Variants in KCNH1 observed in about 807,000 individuals in gnomAD.
KCNH1 encodes the protein voltage-gated delayed rectifier potassium channel KCNH1.
A neutral mutation model predicts 69.2 loss-of-function variants in KCNH1; 27 were observed. That is an observed-to-expected ratio of 0.39 (90% CI 0.29 to 0.54). The LOEUF is 0.54. Among genes scored for constraint, KCNH1 ranks in the 20% least tolerant of loss-of-function variants. KCNH1 has a pLI of 0.68. For synonymous variants in KCNH1, 456 were observed against 487.7 expected, an observed-to-expected ratio of 0.93 and a Z score of 0.86; for missense variants, 798 against 1,261.6, an observed-to-expected ratio of 0.63 and a Z score of 5.57.
intron 6 of KCNH1, among the ~76,000 whole-genome samples, chr1:210,980,205 T>C (rs1281108531): frequency 1.3e-5 from 2 of 152,200 alleles, no homozygotes; most frequent in African/African-American, 2.4e-5. Flanking sequence ...AATTGGAAAC[T>C]AGACAAGGTA....
intron 7 of KCNH1, among the ~76,000 whole-genome samples, chr1:210,867,704 T>G (rs968383980): frequency 6.6e-5 from 10 of 152,046 alleles, no homozygotes; most frequent in Admixed American, 5.2e-4. Flanking sequence ...CAACAATTGA[T>G]CTACTTTATG....
At chr1:210,825,228 C>G (rs1685011223) in intron 7 of KCNH1, among the ~76,000 whole-genome samples, 1 of 152,182 alleles carries the variant, frequency 6.6e-6, no homozygotes, top group Admixed American at 6.5e-5. Context: ...ACAGCTACGT[C>G]AGCTTGGAAT....
At chr1:211,082,677 C>T in intron 5 of KCNH1, 103 bp downstream of exon 5, 1 of 892,700 alleles carries the variant, frequency 1.1e-6, no homozygotes, top group Middle Eastern at 3.4e-4. Context: ...TCTGGGGGTC[C>T]TGAAGGTCCT....
Position 210,797,738 on chromosome 1 carries a change from T to G in KCNH1, c.1685A>C (p.Asp562Ala). ...TEKVLQICPK[D>A]MRADICVHLN... ...GTGCACGCAGATGTCGGCTCTCATG[T>G]CCTTGGGGCAGATCTGCAGGACCTA... The change falls in exon 9 of 11, where the codon GAC (aspartate) becomes GCC (alanine). Residue 562 changes from aspartate to alanine, a missense_variant. Coordinates refer to ENST00000271751, the MANE Select transcript of KCNH1 (RefSeq NM_172362.3). 6.2e-7 allele frequency: 1 copy of G among 1,613,440 alleles called. No individual in the cohort carries two copies. The highest frequency in any genetic ancestry group is 8.5e-7 in the Non-Finnish European group (1 of 1,179,426).
At chr1:210,962,813 G>A (rs1421654211) in intron 6 of KCNH1, among the ~76,000 whole-genome samples, 3 of 150,682 alleles carry the variant, frequency 2.0e-5, no homozygotes, top group African/African-American at 7.3e-5. Context: ...CTTGTCACAT[G>A]CTTGTTATTT....
At chr1:211,011,146 C>A (rs59156488) in intron 6 of KCNH1, among the ~76,000 whole-genome samples, 3,586 of 152,160 alleles carry the variant, frequency 0.024, 135 homozygotes, top group African/African-American at 0.083. Flanking sequence ...CAACCCCCAA[C>A]AGGCCCTGGT....
At chr1:210,938,552 C>T (rs546847132) in intron 6 of KCNH1, among the ~76,000 whole-genome samples, 18 of 152,296 alleles carry the variant, frequency 1.2e-4, no homozygotes, top group Admixed American at 3.3e-4. Context: ...TGAGACTCTT[C>T]GTAATTTGAT....
rs116585673 is a variant in KCNH1 at position 210,683,711 on chromosome 1, C to T, written c.2540G>A (p.Ser847Asn). 6.2e-7 allele frequency: 1 copy of T among 1,614,252 alleles called. No individual in the cohort carries two copies. Among genetic ancestry groups the T allele is most frequent in the African/African-American group, 1.3e-5 (1 of 75,076 alleles). Residue 847 changes from serine (S) to asparagine (N), a missense_variant, in exon 11 of 11, where the codon AGT becomes AAT. This residue lies in a region of KCNH1 where 331 missense variants were observed against 363.2 expected (regional missense o/e 0.91). Transcript: ENST00000271751. The surrounding 1 kb of genome is among the most constrained non-coding windows in gnomAD (Gnocchi z 5.7). ...CTTGGACACCTTGTTCCAGTCCTCA[C>T]TCTTCCCGCAAGCATCTTTGAAGCG... ...WARFKDACGK[S>N]EDWNKVSKAE...
At chr1:211,012,595 G>T (rs1391150981) in intron 6 of KCNH1, among the ~76,000 whole-genome samples, 1 of 152,126 alleles carries the variant, frequency 6.6e-6, no homozygotes, top group Non-Finnish European at 1.5e-5. Context: ...AAACTATAAA[G>T]ACATCAGTGG....
chr1:210,708,412 A>G (rs1681967823), intron 10 of KCNH1, among the ~76,000 whole-genome samples: 1 of 151,958 alleles, frequency 6.6e-6, no homozygotes. Flanking sequence ...ATAATTAAGA[A>G]CAGGCTTCTG....
intron 6 of KCNH1, among the ~76,000 whole-genome samples, chr1:210,992,694 T>A (rs1688958283): frequency 6.6e-6 from 1 of 152,230 alleles, no homozygotes; most frequent in African/African-American, 2.4e-5. Flanking sequence ...TGTTGCTTTT[T>A]CTGTTCAAAT....
chr1:211,068,647 G>C (rs1690578021), intron 5 of KCNH1, among the ~76,000 whole-genome samples: 1 of 152,160 alleles, frequency 6.6e-6, no homozygotes, highest in Non-Finnish European at 1.5e-5. Flanking sequence ...ACCTGCCTCA[G>C]CATCCCAAAG....
At chr1:211,053,690 T>G (rs1690249581) in intron 5 of KCNH1, among the ~76,000 whole-genome samples, 1 of 152,292 alleles carries the variant, frequency 6.6e-6, no homozygotes, top group Non-Finnish European at 1.5e-5. Flanking sequence ...TACAGAAAAG[T>G]TGGCCTGAAC....
intron 5 of KCNH1, among the ~76,000 whole-genome samples, chr1:211,043,735 A>T (rs1690044543): frequency 6.6e-6 from 1 of 152,218 alleles, no homozygotes. Flanking sequence ...CAAGAAGATA[A>T]TCCACCATTA....
At chr1:210,876,847 C>A (rs1686386295) in intron 7 of KCNH1, among the ~76,000 whole-genome samples, 2 of 152,076 alleles carry the variant, frequency 1.3e-5, no homozygotes, top group African/African-American at 4.8e-5. Flanking sequence ...TGCCAATATA[C>A]CCCTCTAAGT....
At chr1:210,784,990 A>G (rs1684067113) in intron 9 of KCNH1, among the ~76,000 whole-genome samples, 1 of 152,180 alleles carries the variant, frequency 6.6e-6, no homozygotes, top group African/African-American at 2.4e-5. Flanking sequence ...CCTATCATGG[A>G]TCAGGCAGAA....
Position 210,996,651 on chromosome 1 carries a change from C to T in KCNH1, c.1032+22132G>A, listed in dbSNP as rs370166696. On this transcript the variant is annotated intron_variant, in intron 6 of 10. Transcript: ENST00000271751. Reference sequence around the variant, plus strand: ...GAAGACAGTAGTGGTTCTCCCAGCACGCAGCTGGAGATCTGAGAACTGGAA... The same window carrying T: ...GAAGACAGTAGTGGTTCTCCCAGCATGCAGCTGGAGATCTGAGAACTGGAA... Among the ~76,000 whole-genome samples the T allele has an allele frequency of 1.1e-3, 161 of 152,306 alleles. 4 individuals are homozygous for T. The East Asian group carries it at 0.018, about 17-fold the overall frequency.
intron 10 of KCNH1, among the ~76,000 whole-genome samples, chr1:210,724,715 G>A (rs896628226): frequency 1.3e-5 from 2 of 151,964 alleles, no homozygotes; most frequent in African/African-American, 4.8e-5. Flanking sequence ...TTGACTTCAG[G>A]GTCTCATAAT....
intron 7 of KCNH1, among the ~76,000 whole-genome samples, chr1:210,829,407 G>T (rs1006333123): frequency 1.2e-4 from 18 of 152,212 alleles, no homozygotes; most frequent in African/African-American, 4.1e-4. Flanking sequence ...CAGGCTGGCT[G>T]CCTTTTCATG....
Sources: gnomAD v4.1 joint callset for allele counts (sites outside exome capture counted in the v4.1 genomes callset) on GRCh38, gnomAD v4.1.1 for gene constraint, gnomAD v4.1.1 regional missense constraint, Gnocchi (gnomAD v3.1) non-coding constraint, MANE v1.5 for transcripts, NCBI Gene and HGNC (gene_info 2026-07-23, HGNC 2026-07-21) for gene names.